CPOX: variants seen among roughly 807,000 people sequenced by gnomAD.
CPOX encodes oxygen-dependent coproporphyrinogen-III oxidase, mitochondrial.
In CPOX, 24 loss-of-function variants were observed where a neutral mutation model predicts 48.9. The ratio of observed to expected loss-of-function variants is 0.49; its 90% CI spans 0.36 to 0.69. The LOEUF (loss-of-function observed/expected upper bound fraction) is 0.69, where lower values mean the gene tolerates loss of function less well. Among genes scored for constraint, CPOX ranks in the 30% least tolerant of loss-of-function variants. The pLI is 0.00. For synonymous variants in CPOX, 249 were observed against 234.6 expected, an observed-to-expected ratio of 1.06 and a Z score of -0.56; for missense variants, 549 against 597.3, an observed-to-expected ratio of 0.92 and a Z score of 0.84.
intron 4 of CPOX, among the ~76,000 whole-genome samples, chr3:98,586,133 A>C (rs748436807): frequency 6.6e-6 from 1 of 152,026 alleles, no homozygotes; most frequent in Non-Finnish European, 1.5e-5. Context: ...CGGCCTCCCA[A>C]AGTGCTGGGA....
At chr3:98,583,425 T>C (rs1407595190) in intron 5 of CPOX, among the ~76,000 whole-genome samples, 1 of 152,218 alleles carries the variant, frequency 6.6e-6, no homozygotes, top group Non-Finnish European at 1.5e-5. Flanking sequence ...TTTTAAATAA[T>C]ATTATTTAAT....
the CPOX span, among the ~76,000 whole-genome samples, chr3:98,571,687 CA>C: frequency 2.6e-4 from 12 of 46,230 alleles, no homozygotes; most frequent in Non-Finnish European, 2.5e-4. Context: ...GACTCCGTCT[CA>C]AAAAAAAAAA....
chr3:98,593,328 G>A lies in CPOX; in HGVS notation c.177C>T (p.Ser59=). 7.2e-7 allele frequency: 1 copy of A among 1,391,542 alleles called. No homozygotes were observed. 86.2% of individuals were successfully genotyped at this position (1,391,542 alleles called of 1,614,324 possible). The change falls in exon 1 of 7, where the codon AGC becomes AGT. Residue 59 remains serine (S), a synonymous_variant. Transcript: ENST00000647941. ...RPPGPAGTEQ[S]RGLGHGSTSR... is the part of the protein sequence containing the mutation. ...ACGTCGAGCCGTGCCCCAGCCCGCG[G>A]CTCTGCTCCGTGCCAGCCGGGCCAG...
rs576810770 is a variant in CPOX at position 98,586,517 on chromosome 3, T to G, written c.954-858A>C. Among the ~76,000 whole-genome samples the G allele has an allele frequency of 2.6e-5, 4 of 152,294 alleles. No homozygotes were observed. The South Asian group carries it at 8.3e-4, about 32-fold the overall frequency. ...GGGAAAAGTTGGTGGAAAAAAAGGT[T>G]CAGATGATATCTTTTATTATTTCAT... On this transcript the variant is annotated intron_variant, in intron 4 of 6. Transcript: ENST00000647941.
intron 3 of CPOX, 56 bp from the exon 4 acceptor site, chr3:98,588,910 G>A (rs1301948453): frequency 6.3e-7 from 1 of 1,587,322 alleles, no homozygotes; most frequent in African/African-American, 1.3e-5. Context: ...AGCATTACTG[G>A]CTATATTAGG....
chr3:98,591,602 C>A (rs1707479670), intron 1 of CPOX, among the ~76,000 whole-genome samples: 2 of 151,970 alleles, frequency 1.3e-5, no homozygotes, highest in Admixed American at 1.3e-4. Context: ...AATTTACAAG[C>A]AATTAAGAAA....
intron 4 of CPOX, among the ~76,000 whole-genome samples, chr3:98,586,173 C>T (rs1164894454): frequency 6.6e-6 from 1 of 151,954 alleles, no homozygotes; most frequent in African/African-American, 2.4e-5. Context: ...TGCCTGGCTG[C>T]TTATCCTCTT....
At chr3:98,576,027 G>A (rs1426419265), downstream of CPOX, among the ~76,000 whole-genome samples, 5 of 123,128 alleles carry the variant, frequency 4.1e-5, no homozygotes, top group East Asian at 2.7e-4. Context: ...AGCCAGGATC[G>A]CACCATTGCA....
chr3:98,581,570 C>A, intron 5 of CPOX, 59 bp from the exon 6 acceptor site: 1 of 1,364,988 alleles, frequency 7.3e-7, no homozygotes, highest in Non-Finnish European at 1.0e-6. Context: ...TAAGACTAAC[C>A]CATAACAAAT....
chr3:98,587,852 A>G (rs1707395685), intron 4 of CPOX, among the ~76,000 whole-genome samples: 1 of 152,148 alleles, frequency 6.6e-6, no homozygotes, highest in Non-Finnish European at 1.5e-5. Context: ...AGGAACCAAA[A>G]AAGAGAACTG....
At chr3:98,582,415 C>G (rs1707274601) in intron 5 of CPOX, among the ~76,000 whole-genome samples, 1 of 152,080 alleles carries the variant, frequency 6.6e-6, no homozygotes, top group African/African-American at 2.4e-5. Context: ...CTCACATATT[C>G]TTATTTACCT....
At chr3:98,577,432 T>C (rs187504511), downstream of CPOX, among the ~76,000 whole-genome samples, 76 of 152,154 alleles carry the variant, frequency 5.0e-4, 1 homozygote, top group Middle Eastern at 0.017. Context: ...TATGTGAGAC[T>C]AAAGTAGGGT....
chr3:98,576,236 C>T (rs1042127533), downstream of CPOX, among the ~76,000 whole-genome samples: 2 of 152,140 alleles, frequency 1.3e-5, no homozygotes, highest in African/African-American at 4.8e-5. Context: ...CCTCAGGAAA[C>T]TTACAATCAT....
chr3:98,587,809 C>T (rs534963226), intron 4 of CPOX, among the ~76,000 whole-genome samples: 1 of 152,084 alleles, frequency 6.6e-6, no homozygotes, highest in South Asian at 2.1e-4. Context: ...TTACCTAACA[C>T]TGCTTAAAGT....
At chr3:98,571,683 G>A in the CPOX span, among the ~76,000 whole-genome samples, 1 of 109,138 alleles carries the variant, frequency 9.2e-6, no homozygotes, top group Non-Finnish European at 1.8e-5. Context: ...GCGAGACTCC[G>A]TCTCAAAAAA....
intron 5 of CPOX, among the ~76,000 whole-genome samples, chr3:98,582,422 A>G (rs1369734838): frequency 6.6e-6 from 1 of 151,864 alleles, no homozygotes; most frequent in Admixed American, 6.6e-5. Context: ...ATTCTTATTT[A>G]CCTATTGGTT....
chr3:98,584,319 A>C (rs1304167626), intron 5 of CPOX, among the ~76,000 whole-genome samples: 1 of 152,152 alleles, frequency 6.6e-6, no homozygotes, highest in Non-Finnish European at 1.5e-5. Flanking sequence ...GGGGCCCCAA[A>C]ATAAGTATCA....
rs1051712 is a variant in CPOX at position 98,580,521 on chromosome 3, T to G, written c.*162A>C. The G allele has an allele frequency of 0.37, 539,203 of 1,476,002 alleles. 99,804 individuals carry two copies. Among genetic ancestry groups the G allele is most frequent in the Middle Eastern group, 0.44 (1,919 of 4,320 alleles). 91.4% of individuals were successfully genotyped at this position (1,476,002 alleles called of 1,614,324 possible). A position where few individuals can be genotyped will look rare whatever the true frequency, so the allele number is the denominator to read the frequency against. On this transcript the variant is annotated 3_prime_UTR_variant, in exon 7 of 7. Coordinates refer to ENST00000647941, the MANE Select transcript of CPOX (RefSeq NM_000097.7). ...AATCTGCCATCTCACCATTCATCAC[T>G]GACAGCATCCAAAACATGTTATCAT...
In CPOX at chr3:98,580,602, A is replaced by ACAGTGGCAAAGTGCCGAC; in HGVS notation, c.*63_*80dup. 6.2e-7 allele frequency: 1 copy of ACAGTGGCAAAGTGCCGAC among 1,607,084 alleles called. No homozygotes were observed. Among genetic ancestry groups the ACAGTGGCAAAGTGCCGAC allele is most frequent in the Non-Finnish European group, 8.5e-7 (1 of 1,176,430 alleles). ...AGACTAAGGCACGGGTAACTGCCAC[A>ACAGTGGCAAAGTGCCGAC]CAGTGGCAAAGTGCCGACCAGTGGC... On this transcript the variant is annotated 3_prime_UTR_variant, in exon 7 of 7. Coordinates refer to ENST00000647941, the MANE Select transcript of CPOX (RefSeq NM_000097.7).
Sources: gnomAD v4.1 joint callset for allele counts (sites outside exome capture counted in the v4.1 genomes callset) on GRCh38, gnomAD v4.1.1 for gene constraint, MANE v1.5 for transcripts, NCBI Gene and HGNC (gene_info 2026-07-23, HGNC 2026-07-21) for gene names.